The following STK32A variants were observed in gnomAD, a reference collection of about 807,000 sequenced individuals.
STK32A encodes serine/threonine kinase 32A.
Under a neutral mutation model 53.2 loss-of-function variants are expected in STK32A, and 41 were observed. The ratio of observed to expected loss-of-function variants is 0.77; its 90% CI spans 0.60 to 1.00. The LOEUF is 1.00. Ranked by LOEUF, STK32A falls within the 50% of genes least tolerant of loss-of-function variation. The pLI is 0.00. For missense variants in STK32A, 458 were observed against 485.8 expected (o/e 0.94, Z 0.54); for synonymous variants, 166 against 162.8 (o/e 1.02, Z -0.15).
At chr5:147,301,960 A>C (rs561358861) in intron 4 of STK32A, among the ~76,000 whole-genome samples, 1 of 152,236 alleles carries the variant, frequency 6.6e-6, no homozygotes, top group Non-Finnish European at 1.5e-5. Context: ...CTCTGACTTC[A>C]TGTTCTCCTT....
intron 2 of STK32A, among the ~76,000 whole-genome samples, chr5:147,271,474 AC>A: frequency 6.6e-6 from 1 of 152,316 alleles, no homozygotes; most frequent in South Asian, 2.1e-4. Context: ...GAACAAGATA[AC>A]AGCAATGTTC....
chr5:147,289,387 G>A (rs1224554350), intron 4 of STK32A, among the ~76,000 whole-genome samples: 1 of 152,046 alleles, frequency 6.6e-6, no homozygotes, highest in Admixed American at 6.6e-5. Flanking sequence ...GATATGCTGT[G>A]TAGGCCTCTC....
intron 5 of STK32A, among the ~76,000 whole-genome samples, chr5:147,327,713 C>T (rs940074740): frequency 1.1e-4 from 16 of 152,304 alleles, no homozygotes; most frequent in Middle Eastern, 3.4e-3. Context: ...ATTTCACCTT[C>T]GATGAAACTC....
intron 4 of STK32A, among the ~76,000 whole-genome samples, chr5:147,316,370 T>C (rs1753991513): frequency 6.6e-6 from 1 of 152,208 alleles, no homozygotes; most frequent in African/African-American, 2.4e-5. Context: ...CCAGATTGTC[T>C]GAAACAGGAA....
At chr5:147,292,942 A>G (rs1298992610) in intron 4 of STK32A, among the ~76,000 whole-genome samples, 1 of 152,238 alleles carries the variant, frequency 6.6e-6, no homozygotes, top group Admixed American at 6.5e-5. Flanking sequence ...TTGGGTTAGC[A>G]ATCTTCACGA....
chr5:147,400,587 C>T, the STK32A span: 3 of 1,432,458 alleles, frequency 2.1e-6, no homozygotes, highest in Admixed American at 2.0e-5. Flanking sequence ...GTACGAGATC[C>T]CATCTGCACT....
intron 2 of STK32A, among the ~76,000 whole-genome samples, chr5:147,268,194 GTTAT>G (rs1423014036): frequency 1.3e-5 from 2 of 152,154 alleles, no homozygotes; most frequent in African/African-American, 2.4e-5. Flanking sequence ...TTATATTGCA[GTTAT>G]TTATTTATGT....
At chr5:147,296,512 T>C (rs1267676480) in intron 4 of STK32A, among the ~76,000 whole-genome samples, 1 of 152,156 alleles carries the variant, frequency 6.6e-6, no homozygotes, top group East Asian at 1.9e-4. Context: ...GCATGCTTAC[T>C]TGAGGCATCT....
chr5:147,286,806 A>AAC (rs1554102164), intron 4 of STK32A, among the ~76,000 whole-genome samples: 1 of 152,028 alleles, frequency 6.6e-6, no homozygotes, highest in Non-Finnish European at 1.5e-5. Context: ...CCTTGAGGTC[A>AAC]ATATATATAT....
At chr5:147,306,317 A>T (rs941277738) in intron 4 of STK32A, among the ~76,000 whole-genome samples, 31 of 151,970 alleles carry the variant, frequency 2.0e-4, no homozygotes, top group African/African-American at 7.2e-4. Context: ...TTATTGATCC[A>T]TGAAAGCTCT....
intron 2 of STK32A, among the ~76,000 whole-genome samples, chr5:147,264,985 CTG>C (rs1371119774): frequency 6.6e-6 from 1 of 151,604 alleles, no homozygotes; most frequent in Non-Finnish European, 1.5e-5. Flanking sequence ...ATTAAAAAGA[CTG>C]AAATAGAGCA....
intron 4 of STK32A, among the ~76,000 whole-genome samples, chr5:147,304,369 T>C (rs926333279): frequency 2.0e-5 from 3 of 152,204 alleles, no homozygotes; most frequent in Admixed American, 6.5e-5. Context: ...AGCAGATTCA[T>C]TGTGAAAATC....
chr5:147,303,889 C>T (rs988015213), intron 4 of STK32A, among the ~76,000 whole-genome samples: 2 of 152,122 alleles, frequency 1.3e-5, no homozygotes, highest in East Asian at 3.8e-4. Context: ...AGTAATTGTT[C>T]CACCTAGAGA....
At chr5:147,239,775 T>C (rs945564876) in intron 2 of STK32A, 89 bp downstream of exon 2, 11 of 1,028,618 alleles carry the variant, frequency 1.1e-5, no homozygotes, top group Non-Finnish European at 1.5e-5. Flanking sequence ...AGCATAAGCA[T>C]GGTCTGTAGG....
chr5:147,301,992 G>A (rs1753163070), intron 4 of STK32A, among the ~76,000 whole-genome samples: 2 of 152,102 alleles, frequency 1.3e-5, no homozygotes, highest in African/African-American at 4.8e-5. Context: ...AAGGCCCCTT[G>A]TGATTACATT....
At chr5:147,249,874 A>G (rs1487571634) in intron 2 of STK32A, among the ~76,000 whole-genome samples, 3 of 126,762 alleles carry the variant, frequency 2.4e-5, no homozygotes, top group Non-Finnish European at 4.7e-5. Flanking sequence ...GATCTACTGC[A>G]CTCCAGCCTG....
intron 11 of STK32A, chr5:147,383,165 T>C: frequency 4.6e-6 from 2 of 431,800 alleles, no homozygotes; most frequent in Non-Finnish European, 8.1e-6. Context: ...TCCCTGAAAG[T>C]TGCAAGCTTT....
chr5:147,241,320 A>G (rs1753563467), intron 2 of STK32A, among the ~76,000 whole-genome samples: 1 of 152,178 alleles, frequency 6.6e-6, no homozygotes, highest in African/African-American at 2.4e-5. Context: ...CTACTAAAAA[A>G]TACAAAAAAT....
chr5:147,329,788 C>A (rs1315806158), intron 5 of STK32A, among the ~76,000 whole-genome samples: 2 of 152,176 alleles, frequency 1.3e-5, no homozygotes, highest in East Asian at 3.9e-4. Flanking sequence ...GGATACTACA[C>A]CTCACTTATG....
Sources: gnomAD v4.1 joint callset for allele counts (sites outside exome capture counted in the v4.1 genomes callset) on GRCh38, gnomAD v4.1.1 for gene constraint, MANE v1.5 for transcripts, NCBI Gene and HGNC (gene_info 2026-07-23, HGNC 2026-07-21) for gene names.